The following TNKS variants were observed in gnomAD, a reference collection of about 807,000 sequenced individuals.
TNKS encodes tankyrase.
TNKS carries 72 observed loss-of-function variants against 135.8 expected under a neutral mutation model. That is an observed-to-expected ratio of 0.53 (90% CI 0.44 to 0.64). TNKS has a LOEUF of 0.64. Ranked by LOEUF, TNKS falls within the 30% of genes least tolerant of loss-of-function variation. The pLI is 0.00. For synonymous variants in TNKS, 849 were observed against 649.3 expected, an observed-to-expected ratio of 1.31 and a Z score of -4.68; for missense variants, 1,769 against 1,674.0, an observed-to-expected ratio of 1.06 and a Z score of -0.99.
chr8:9,730,803 C>T, intron 13 of TNKS, 87 bp from the exon 14 acceptor site: 3 of 1,413,518 alleles, frequency 2.1e-6, no homozygotes, highest in South Asian at 1.4e-5. Context: ...ATTTACTTAT[C>T]CAAGATGTTG....
chr8:9,747,578 T>G lies in TNKS; in HGVS notation c.2644-446T>G, dbSNP rs529462930. On this transcript the variant is annotated intron_variant, in intron 17 of 26. Transcript: ENST00000310430. ...AGATGAGTATTTCAGTAAATCTGAT[T>G]GCAGTAGGTAGAAAAGAAATGGGAA... Among the ~76,000 whole-genome samples, 47 of 152,302 alleles carry G rather than the reference T, an allele frequency of 3.1e-4. 1 individual carries two copies. The highest frequency in any genetic ancestry group is 1.0e-3 in the African/African-American group (43 of 41,570).
intron 3 of TNKS, among the ~76,000 whole-genome samples, chr8:9,662,525 C>T (rs916104738): frequency 3.9e-5 from 6 of 152,120 alleles, no homozygotes; most frequent in Non-Finnish European, 8.8e-5. Context: ...TGTTCTGACT[C>T]ATAGGTGGGT....
At chr8:9,705,285 A>G (rs535160749) in intron 6 of TNKS, among the ~76,000 whole-genome samples, 1 of 152,242 alleles carries the variant, frequency 6.6e-6, no homozygotes, top group Non-Finnish European at 1.5e-5. Flanking sequence ...ATTTTTGAAA[A>G]CTTTGTATCA....
At chr8:9,751,062 C>G (rs555855481) in intron 18 of TNKS, among the ~76,000 whole-genome samples, 2,307 of 130,944 alleles carry the variant, frequency 0.018, 53 homozygotes, top group African/African-American at 0.067. Context: ...CCACATTCGG[C>G]GGGTAGGGGG....
chr8:9,710,391 A>G, intron 11 of TNKS, 171 bp downstream of exon 11: 1 of 642,878 alleles, frequency 1.6e-6, no homozygotes, highest in South Asian at 2.0e-5. Flanking sequence ...CTTGTTTCTA[A>G]TAAAAATAAT....
chr8:9,556,412 G>A lies in TNKS; in HGVS notation c.473G>A (p.Gly158Glu). ...SSLAESPEAA[G>E]VSSTAPLGPG... ...TTGGCGGAGAGCCCCGAGGCGGCCG[G>A]AGTTAGCAGCACAGCACCACTGGGG... The change falls in exon 1 of 27, where the codon GGA becomes GAA. Residue 158 changes from glycine (G) to glutamate (E), a missense_variant. Physicochemically the swap from Gly to Glu is moderately conservative, Grantham distance 98. Around this residue, in one of 5 missense-constraint regions of TNKS, gnomAD observed 450 missense variants for 304.9 expected, o/e 1.48. Transcript: ENST00000310430. The A allele has an allele frequency of 6.2e-7, 1 of 1,614,202 alleles. No individual in the cohort carries two copies. The highest frequency in any genetic ancestry group is 1.6e-4 in the Middle Eastern group (1 of 6,062).
At chr8:9,643,415 A>G (rs1800793331) in intron 3 of TNKS, among the ~76,000 whole-genome samples, 1 of 118,738 alleles carries the variant, frequency 8.4e-6, no homozygotes, top group Non-Finnish European at 1.8e-5. Flanking sequence ...GAAGCTCACT[A>G]TCGTGATAAC....
At chr8:9,580,040 A>C (rs1015722573) in intron 1 of TNKS, 119 bp from the exon 2 acceptor site, 1 of 777,448 alleles carries the variant, frequency 1.3e-6, no homozygotes, top group African/African-American at 1.8e-5. Flanking sequence ...GTTTTACACC[A>C]TTTACTATAG....
intron 3 of TNKS, among the ~76,000 whole-genome samples, chr8:9,652,028 G>A (rs556472204): frequency 1.3e-5 from 2 of 152,278 alleles, no homozygotes; most frequent in Admixed American, 6.5e-5. Flanking sequence ...AAGTAAATGT[G>A]AAGTTTAAAA....
At chr8:9,572,501 T>G (rs925330057) in intron 1 of TNKS, among the ~76,000 whole-genome samples, 1 of 152,234 alleles carries the variant, frequency 6.6e-6, no homozygotes, top group African/African-American at 2.4e-5. Context: ...CTCTTACGTT[T>G]TCTCTTATTC....
chr8:9,568,726 C>A (rs1290753325), intron 1 of TNKS, among the ~76,000 whole-genome samples: 2 of 152,070 alleles, frequency 1.3e-5, no homozygotes, highest in Non-Finnish European at 2.9e-5. Context: ...TGAAGAAAAT[C>A]CTTCTTCAAA....
intron 2 of TNKS, among the ~76,000 whole-genome samples, chr8:9,603,798 G>C (rs865905521): frequency 1.3e-5 from 2 of 152,064 alleles, no homozygotes; most frequent in Non-Finnish European, 2.9e-5. Flanking sequence ...ATGTTCTCAA[G>C]AGAAACATAA....
intron 3 of TNKS, chr8:9,679,678 G>C (rs747317099): frequency 5.1e-6 from 2 of 390,552 alleles, no homozygotes; most frequent in Non-Finnish European, 9.4e-6. Context: ...GAGGGAATGT[G>C]TTTCTGGACA....
intron 3 of TNKS, among the ~76,000 whole-genome samples, chr8:9,634,093 A>G (rs931996212): frequency 1.1e-4 from 17 of 148,986 alleles, no homozygotes; most frequent in African/African-American, 3.9e-4. Context: ...ATATATATAT[A>G]TATATATATG....
chr8:9,557,331 G>A lies in TNKS; in HGVS notation c.673+719G>A, dbSNP rs1302996997. On this transcript the variant is annotated intron_variant, in intron 1 of 26. Transcript: ENST00000310430. The stretch of plus-strand genomic sequence containing the variant: ...ATGATGTTGTGCGAGCATTTGGTGA[G>A]AAGTATCTGGCACAAAGTTCTCCCT... The A allele has an allele frequency of 2.0e-5, 3 of 151,342 alleles. No homozygotes were observed. In the East Asian group the frequency reaches 5.8e-4, roughly 29 times the overall value. 9.4% of individuals were successfully genotyped at this position (151,342 alleles called of 1,614,324 possible).
intron 5 of TNKS, among the ~76,000 whole-genome samples, chr8:9,702,255 T>C (rs1268794531): frequency 6.6e-6 from 1 of 152,162 alleles, no homozygotes; most frequent in Non-Finnish European, 1.5e-5. Context: ...GTGAAAACTA[T>C]ATAGGTCTAA....
intron 3 of TNKS, among the ~76,000 whole-genome samples, chr8:9,663,812 C>T (rs1380323617): frequency 1.3e-5 from 2 of 152,194 alleles, no homozygotes; most frequent in Non-Finnish European, 2.9e-5. Context: ...GGTCAGTGGG[C>T]AGGGGCAAGG....
At chr8:9,751,081 C>G (rs12541709) in intron 18 of TNKS, among the ~76,000 whole-genome samples, 43,541 of 152,102 alleles carry the variant, frequency 0.29, 6,504 homozygotes, top group East Asian at 0.35. Context: ...GGCAGAAATT[C>G]AAGGGGAGGC....
chr8:9,656,543 C>T (rs1265045014), intron 3 of TNKS, among the ~76,000 whole-genome samples: 7 of 151,662 alleles, frequency 4.6e-5, no homozygotes, highest in African/African-American at 1.5e-4. Context: ...GCTGATCTCT[C>T]GGCAGAAACT....
Sources: allele counts gnomAD v4.1 joint callset (sites outside exome capture counted in the v4.1 genomes callset), GRCh38; gene constraint gnomAD v4.1.1; regional missense constraint gnomAD v4.1.1; transcripts MANE v1.5; gene names NCBI Gene and HGNC (gene_info 2026-07-23, HGNC 2026-07-21).